The following STRBP variants were observed in gnomAD, a reference collection of about 807,000 sequenced individuals.
The protein encoded by STRBP is spermatid perinuclear RNA binding protein, also known as spermatid perinuclear RNA-binding protein.
Under a neutral mutation model 80.1 loss-of-function variants are expected in STRBP, and 13 were observed. The ratio of observed to expected loss-of-function variants is 0.16; its 90% CI spans 0.11 to 0.26. STRBP has a LOEUF of 0.26. STRBP is among the 10% of genes least tolerant of loss of function. STRBP has a pLI of 1.00. For synonymous variants in STRBP, 284 were observed against 291.2 expected, an observed-to-expected ratio of 0.98 and a Z score of 0.25; for missense variants, 485 against 815.2, an observed-to-expected ratio of 0.59 and a Z score of 4.93.
intron 16 of STRBP, among the ~76,000 whole-genome samples, chr9:123,135,438 G>A (rs1298102558): frequency 6.6e-6 from 1 of 152,072 alleles, no homozygotes; most frequent in African/African-American, 2.4e-5. Context: ...TTTTTTGAAT[G>A]CATAAATGAA....
intron 2 of STRBP, among the ~76,000 whole-genome samples, chr9:123,206,189 CTA>C (rs2039507409): frequency 6.6e-6 from 1 of 152,134 alleles, no homozygotes; most frequent in Admixed American, 6.5e-5. Context: ...GAATATGATT[CTA>C]TGATACACGA....
intron 1 of STRBP, among the ~76,000 whole-genome samples, chr9:123,258,747 G>A (rs1252152022): frequency 6.7e-6 from 1 of 149,438 alleles, no homozygotes; most frequent in Non-Finnish European, 1.5e-5. Context: ...CTTGCAGTGA[G>A]CCAAGATCGG....
chr9:123,240,497 A>G (rs199606433), intron 1 of STRBP, among the ~76,000 whole-genome samples: 1 of 152,204 alleles, frequency 6.6e-6, no homozygotes, highest in East Asian at 1.9e-4. Context: ...AGTTTCTATT[A>G]TTTGTCTCCT....
At chr9:123,180,248 C>G (rs1411936548) in intron 3 of STRBP, among the ~76,000 whole-genome samples, 1 of 152,124 alleles carries the variant, frequency 6.6e-6, no homozygotes, top group Non-Finnish European at 1.5e-5. Flanking sequence ...GAGTAAGACC[C>G]AGGTCTCTAT....
chr9:123,177,531 C>T (rs1391797852), intron 4 of STRBP, among the ~76,000 whole-genome samples: 18 of 152,024 alleles, frequency 1.2e-4, no homozygotes, highest in Admixed American at 1.2e-3. Context: ...TATGATCACA[C>T]TACTACGCTC....
chr9:123,134,473 C>T (rs141365501), intron 16 of STRBP, among the ~76,000 whole-genome samples: 79 of 152,266 alleles, frequency 5.2e-4, no homozygotes, highest in African/African-American at 1.8e-3. Flanking sequence ...CAGGGACTGC[C>T]GTTTTTGTTT....
In STRBP at chr9:123,205,246, C is replaced by G. The variant is rs2039473614; in HGVS notation, c.-164-20948G>C. Among the ~76,000 whole-genome samples, 5 of 152,310 alleles carry G rather than the reference C, an allele frequency of 3.3e-5. No individual in the cohort carries two copies. In the South Asian group the frequency reaches 1.0e-3, roughly 32 times the overall value. On this transcript the variant is annotated intron_variant, in intron 2 of 18. Coordinates refer to ENST00000348403, the MANE Select transcript of STRBP (RefSeq NM_018387.5). ...GCACCACTGCACTCCAGCTGGGCAA[C>G]AAGAGCAAAACTCTGTCTCAAAAAC...
At chr9:123,140,689 T>C (rs946668396) in intron 13 of STRBP, among the ~76,000 whole-genome samples, 2 of 152,206 alleles carry the variant, frequency 1.3e-5, no homozygotes, top group African/African-American at 4.8e-5. Flanking sequence ...GGAACAATTT[T>C]AGTCTTGTAT....
In STRBP at chr9:123,227,553, CTT is replaced by C. The variant is rs372469553; in HGVS notation, c.-165+9275_-165+9276del. ...TGATCTGACATATTTATTGTTTTCTCTTTTTTTTTTTTTCTTTTTTTTTTTTT... is the reference window on the plus strand; with the variant it reads ...TGATCTGACATATTTATTGTTTTCTCTTTTTTTTTTTCTTTTTTTTTTTTT... On this transcript the variant is annotated intron_variant, in intron 2 of 18. Transcript: ENST00000348403. Among the ~76,000 whole-genome samples the C allele has an allele frequency of 1.2e-4, 15 of 130,310 alleles. No homozygotes were observed. In the East Asian group the frequency reaches 2.2e-3, roughly 19 times the overall value. 85.5% of individuals were successfully genotyped at this position (130,310 alleles called of 152,430 possible).
At chr9:123,186,679 A>G (rs1204352700) in intron 2 of STRBP, among the ~76,000 whole-genome samples, 1 of 152,200 alleles carries the variant, frequency 6.6e-6, no homozygotes, top group Non-Finnish European at 1.5e-5. Flanking sequence ...GGGACAAGAC[A>G]TGGTCTGAAA....
At chr9:123,208,932 A>G (rs1483938469) in intron 2 of STRBP, among the ~76,000 whole-genome samples, 1 of 152,122 alleles carries the variant, frequency 6.6e-6, no homozygotes, top group African/African-American at 2.4e-5. Context: ...AGCTGTCTCA[A>G]GTGTACCAAA....
chr9:123,252,981 G>A (rs1385207313), intron 1 of STRBP, among the ~76,000 whole-genome samples: 1 of 152,092 alleles, frequency 6.6e-6, no homozygotes, highest in South Asian at 2.1e-4. Context: ...CTTTAAAAAA[G>A]CTAAAATAAA....
At chr9:123,226,204 T>C (rs2040230118) in intron 2 of STRBP, among the ~76,000 whole-genome samples, 1 of 152,148 alleles carries the variant, frequency 6.6e-6, no homozygotes, top group Non-Finnish European at 1.5e-5. Context: ...ATCAGATCAA[T>C]GGTTTCCAGG....
In STRBP at chr9:123,171,384, A is replaced by G. The variant is rs571742796; in HGVS notation, c.391-1338T>C. Among the ~76,000 whole-genome samples the G allele has an allele frequency of 2.0e-5, 3 of 152,310 alleles. No homozygotes were observed. The South Asian group carries it at 6.2e-4, about 32-fold the overall frequency. ...TACTTAGATAACTGAAAGTTTTGCT[A>G]TGTTAAGTGCTCGGGAAAAAGATTT... On this transcript the variant is annotated intron_variant, in intron 5 of 18. Transcript: ENST00000348403.
intron 1 of STRBP, among the ~76,000 whole-genome samples, chr9:123,248,613 A>C (rs1348543313): frequency 4.6e-5 from 7 of 152,186 alleles, no homozygotes; most frequent in Admixed American, 6.5e-5. Flanking sequence ...AAAATACTGG[A>C]AACTATACAA....
chr9:123,265,895 G>A (rs1564345164), intron 1 of STRBP, among the ~76,000 whole-genome samples: 1 of 152,120 alleles, frequency 6.6e-6, no homozygotes, highest in African/African-American at 2.4e-5. Context: ...AGAGTGTTAA[G>A]AGTCAGAAAG....
At position 123,146,979 on chromosome 9, in the gene STRBP, T is replaced by G; in HGVS notation, c.1214A>C (p.Lys405Thr). ...LNQIRPGLQY[K>T]LLSQSGPVHA... Reference sequence around the variant, plus strand: ...AACGGGGCCAGACTGAGATAGGAGCTTATACTGAAGCCCAGGCCTGATCTG... The same window carrying G: ...AACGGGGCCAGACTGAGATAGGAGCGTATACTGAAGCCCAGGCCTGATCTG... Residue 405 changes from lysine to threonine, a missense_variant, in exon 13 of 19, where the codon AAG (lysine) becomes ACG (threonine). Transcript: ENST00000348403. The G allele has an allele frequency of 6.2e-7, 1 of 1,614,104 alleles. No homozygotes were observed. The highest frequency in any genetic ancestry group is 8.5e-7 in the Non-Finnish European group (1 of 1,179,998).
Position 123,268,585 on chromosome 9 carries a change from T to TCGGCGG in STRBP, c.-452_-451insCCGCCG, listed in dbSNP as rs931631892. On this transcript the variant is annotated 5_prime_UTR_variant, in exon 1 of 19. Transcript: ENST00000348403. ...GGCGCTCGCGGCTCCGGTCTCCGCT[T>TCGGCGG]CGGCGGCGGCAGCGGCGGCAGCGAG... 6.1e-6 allele frequency: 1 copy of TCGGCGG among 163,090 alleles called. No homozygotes were observed. The highest frequency in any genetic ancestry group is 1.3e-5 in the Non-Finnish European group (1 of 76,230). The allele number at this position is 163,090 out of a possible 1,614,324, so 10.1% of individuals were successfully genotyped here.
chr9:123,175,039 G>C (rs913488018), intron 4 of STRBP, among the ~76,000 whole-genome samples: 4 of 152,140 alleles, frequency 2.6e-5, no homozygotes, highest in African/African-American at 9.7e-5. Flanking sequence ...AAGGGGAAGA[G>C]AAAGTAACAT....
Sources: gnomAD v4.1 joint callset for allele counts (sites outside exome capture counted in the v4.1 genomes callset) on GRCh38, gnomAD v4.1.1 for gene constraint, MANE v1.5 for transcripts, NCBI Gene and HGNC (gene_info 2026-07-23, HGNC 2026-07-21) for gene names.